The following FAM118B variants were observed in gnomAD, a reference collection of about 807,000 sequenced individuals.
The protein encoded by FAM118B is protein FAM118B.
A neutral mutation model predicts 38.5 loss-of-function variants in FAM118B; 24 were observed. The observed-to-expected ratio is 0.62, with a 90% CI of 0.45 to 0.88. FAM118B has a LOEUF of 0.88. FAM118B is among the 40% of genes least tolerant of loss of function. The probability of loss-of-function intolerance (pLI) is 0.00; values close to 1 mark genes in which losing one functional copy is unlikely to be tolerated. For synonymous variants in FAM118B, 138 were observed against 156.3 expected, an observed-to-expected ratio of 0.88 and a Z score of 0.87; for missense variants, 334 against 420.0, an observed-to-expected ratio of 0.80 and a Z score of 1.79.
intron 1 of FAM118B, among the ~76,000 whole-genome samples, chr11:126,223,979 C>G: frequency 6.6e-6 from 1 of 152,190 alleles, no homozygotes; most frequent in East Asian, 1.9e-4. Context: ...CATTTAAAAA[C>G]TAACATGGTT....
At chr11:126,234,386 A>C (rs1045456135) in intron 2 of FAM118B, among the ~76,000 whole-genome samples, 11 of 152,138 alleles carry the variant, frequency 7.2e-5, no homozygotes, top group Non-Finnish European at 1.3e-4. Flanking sequence ...TTTTTCATAC[A>C]TCTTTGCTTG....
At position 126,260,157 on chromosome 11, in the gene FAM118B, C is replaced by T. The variant is rs146653309; in HGVS notation, c.983-1268C>T. 4.0e-3 allele frequency among the ~76,000 whole-genome samples: 603 copies of T among 152,174 alleles called. 4 individuals are homozygous for T. Among genetic ancestry groups the T allele is most frequent in the African/African-American group, 0.013 (549 of 41,536 alleles). ...AGGCGATCCTCCCACCTCAGCCTCC[C>T]GAGTAGCTGAGACTAAAGGCACATA... On this transcript the variant is annotated intron_variant, in intron 7 of 8. Coordinates refer to ENST00000533050, the MANE Select transcript of FAM118B (RefSeq NM_024556.4).
intron 2 of FAM118B, among the ~76,000 whole-genome samples, chr11:126,232,699 A>G (rs542792583): frequency 1.5e-3 from 233 of 151,744 alleles, no homozygotes; most frequent in African/African-American, 5.2e-3. Flanking sequence ...AAGTTTTTTT[A>G]AAACTTAAAA....
intron 1 of FAM118B, among the ~76,000 whole-genome samples, chr11:126,215,757 C>T (rs1358864657): frequency 6.7e-6 from 1 of 150,156 alleles, no homozygotes; most frequent in Non-Finnish European, 1.5e-5. Flanking sequence ...ACACCTTAAT[C>T]CCAGCACTTT....
rs1287813043 is a variant in FAM118B at position 126,250,731 on chromosome 11, A to T, written c.565A>T (p.Lys189Ter). The change falls in exon 5 of 9, where the codon AAG becomes TAG. Residue 189 changes from lysine to a stop codon, truncating the protein, a stop_gained and splice_region_variant. Transcript: ENST00000533050. LOFTEE classifies it high-confidence loss of function. The surrounding 1 kb of genome is among the most constrained non-coding windows in gnomAD (Gnocchi z 5.1). Reference protein sequence around the residue: ...LESLDLTDEKKVLEWAQEKRK... With the variant: ...LESLDLTDEK ...ATCCCTTGACCTTACTGATGAGAAA[A>T]AGGTAAAAAGTAAAGCATTGGTCCC... 6.2e-7 allele frequency: 1 copy of T among 1,607,322 alleles called. No individual in the cohort carries two copies. Among genetic ancestry groups the T allele is most frequent in the Non-Finnish European group, 8.5e-7 (1 of 1,174,294 alleles).
chr11:126,223,125 G>T (rs943516618), intron 1 of FAM118B, among the ~76,000 whole-genome samples: 1 of 151,994 alleles, frequency 6.6e-6, no homozygotes. Context: ...TCAAGCAACT[G>T]AAAGAGGCCT....
intron 2 of FAM118B, among the ~76,000 whole-genome samples, chr11:126,230,525 G>T (rs528725613): frequency 6.6e-6 from 1 of 152,216 alleles, no homozygotes; most frequent in South Asian, 2.1e-4. Context: ...TTTAAAAGGG[G>T]GTGGAGGAAG....
chr11:126,211,993 G>A (rs1949885783), intron 1 of FAM118B, among the ~76,000 whole-genome samples, 163 bp downstream of exon 1: 1 of 152,054 alleles, frequency 6.6e-6, no homozygotes, highest in African/African-American at 2.4e-5. Context: ...CCGCCCCCGC[G>A]CCCCCTTAGG....
chr11:126,249,555 A>AC (rs1251685428), intron 4 of FAM118B, among the ~76,000 whole-genome samples: 1 of 151,754 alleles, frequency 6.6e-6, no homozygotes. Context: ...AGATGGTGAA[A>AC]CCCCGTCTCT....
intron 6 of FAM118B, 151 bp downstream of exon 6, chr11:126,254,584 A>G (rs1337295957): frequency 2.8e-6 from 3 of 1,076,898 alleles, no homozygotes; most frequent in South Asian, 1.6e-5. Context: ...TATAATCCCA[A>G]CACTTTGGGA....
At chr11:126,248,496 G>A (rs1040829310) in intron 4 of FAM118B, among the ~76,000 whole-genome samples, 2 of 144,606 alleles carry the variant, frequency 1.4e-5, no homozygotes, top group African/African-American at 2.5e-5. Flanking sequence ...TCAGCCTCCC[G>A]AGTAGCTGGC....
At chr11:126,261,175 T>TA in intron 7 of FAM118B, 2 of 477,680 alleles carry the variant, frequency 4.2e-6, no homozygotes, top group Non-Finnish European at 7.5e-6. Flanking sequence ...ATGTAAAATG[T>TA]AAAATGTTTT....
In FAM118B at chr11:126,250,730, A is replaced by G. The variant is rs554103101; in HGVS notation, c.564A>G (p.Lys188=). Residue 188 remains lysine (K), a synonymous_variant, in exon 5 of 9, where the codon AAA becomes AAG. Transcript: ENST00000533050. This position sits in a 1 kb window ranked among gnomAD's most constrained non-coding sequence, Gnocchi z 5.1. ...AATCCCTTGACCTTACTGATGAGAAAAAGGTAAAAAGTAAAGCATTGGTCC... is the reference window on the plus strand; with the variant it reads ...AATCCCTTGACCTTACTGATGAGAAGAAGGTAAAAAGTAAAGCATTGGTCC... ...QLESLDLTDE[K]KVLEWAQEKR... The G allele has an allele frequency of 2.5e-6, 4 of 1,606,840 alleles. No individual in the cohort carries two copies. The highest frequency in any genetic ancestry group is 1.1e-5 in the South Asian group (1 of 90,672).
At chr11:126,232,860 G>A (rs960789599) in intron 2 of FAM118B, among the ~76,000 whole-genome samples, 5 of 152,082 alleles carry the variant, frequency 3.3e-5, no homozygotes, top group African/African-American at 1.2e-4. Context: ...AGAATCGGAA[G>A]TGAGTCACAT....
At chr11:126,228,063 A>G (rs527720) in intron 1 of FAM118B, among the ~76,000 whole-genome samples, 28,252 of 151,884 alleles carry the variant, frequency 0.19, 2,738 homozygotes, top group South Asian at 0.22. Flanking sequence ...GCCTCCCAAA[A>G]TGCTGGGATT....
intron 1 of FAM118B, among the ~76,000 whole-genome samples, chr11:126,219,875 G>T (rs1164733700): frequency 6.7e-6 from 1 of 148,980 alleles, no homozygotes; most frequent in Non-Finnish European, 1.5e-5. Flanking sequence ...AAAAAAAGCA[G>T]CTCGAGCTGC....
intron 3 of FAM118B, among the ~76,000 whole-genome samples, chr11:126,236,767 C>A (rs972482848): frequency 6.8e-6 from 1 of 147,806 alleles, no homozygotes; most frequent in South Asian, 2.2e-4. Flanking sequence ...TTATTTTTTT[C>A]CCCCCCATTT....
intron 2 of FAM118B, among the ~76,000 whole-genome samples, chr11:126,232,375 A>G (rs1215615287): frequency 6.6e-6 from 1 of 152,160 alleles, no homozygotes; most frequent in African/African-American, 2.4e-5. Flanking sequence ...AAAATAAGGT[A>G]AGAACAATGC....
At chr11:126,246,678 G>A (rs1950423264) in intron 4 of FAM118B, among the ~76,000 whole-genome samples, 1 of 152,108 alleles carries the variant, frequency 6.6e-6, no homozygotes, top group Non-Finnish European at 1.5e-5. Context: ...CTGGGCTCAA[G>A]TGATCTTCCT....
Sources: gnomAD v4.1 joint callset for allele counts (sites outside exome capture counted in the v4.1 genomes callset) on GRCh38, gnomAD v4.1.1 for gene constraint, Gnocchi (gnomAD v3.1) non-coding constraint, MANE v1.5 for transcripts, NCBI Gene and HGNC (gene_info 2026-07-23, HGNC 2026-07-21) for gene names.